NRXN3: variants seen among roughly 807,000 people sequenced by gnomAD.
NRXN3 encodes neurexin III.
In NRXN3, 32 loss-of-function variants were observed where a neutral mutation model predicts 137.6. The ratio of observed to expected loss-of-function variants is 0.23; its 90% confidence interval spans 0.18 to 0.31. The LOEUF is 0.31. Among genes scored for constraint, NRXN3 ranks in the 10% least tolerant of loss-of-function variants. The pLI, the probability that NRXN3 is intolerant of heterozygous loss-of-function variation, is 1.00. For synonymous variants in NRXN3, 798 were observed against 784.5 expected, an observed-to-expected ratio of 1.02 and a Z score of -0.29; for missense variants, 1,574 against 2,062.5, an observed-to-expected ratio of 0.76 and a Z score of 4.59.
chr14:78,515,843 C>T (rs1410443804), intron 4 of NRXN3, among the ~76,000 whole-genome samples: 1 of 152,084 alleles, frequency 6.6e-6, no homozygotes, highest in Middle Eastern at 3.2e-3. Context: ...TGGAAATCTC[C>T]TCATTTCTTT....
intron 10 of NRXN3, among the ~76,000 whole-genome samples, chr14:78,920,823 G>A (rs2099268996): frequency 6.6e-6 from 1 of 152,204 alleles, no homozygotes; most frequent in African/African-American, 2.4e-5. Context: ...TTGAAGAGAT[G>A]TATTGGACAA....
chr14:78,992,364 A>T (rs562079659), intron 15 of NRXN3, among the ~76,000 whole-genome samples: 65 of 152,214 alleles, frequency 4.3e-4, no homozygotes, highest in Non-Finnish European at 8.1e-4. Flanking sequence ...CTGAAAATCA[A>T]CTTAATGAAA....
chr14:78,459,292 C>G (rs2094847793), intron 4 of NRXN3, among the ~76,000 whole-genome samples: 1 of 152,126 alleles, frequency 6.6e-6, no homozygotes, highest in Admixed American at 6.5e-5. Flanking sequence ...CCTCAGGTAC[C>G]TTTCTTGAAA....
chr14:79,555,138 A>T (rs959934355), intron 16 of NRXN3, among the ~76,000 whole-genome samples: 1 of 152,166 alleles, frequency 6.6e-6, no homozygotes, highest in African/African-American at 2.4e-5. Context: ...CTTCGCCAAG[A>T]GGTGAGGTCT....
At chr14:79,296,666 A>C (rs185214346) in intron 15 of NRXN3, among the ~76,000 whole-genome samples, 2 of 152,292 alleles carry the variant, frequency 1.3e-5, no homozygotes, top group Non-Finnish European at 1.5e-5. Flanking sequence ...TTGCCCTGTA[A>C]TTCTTTTATC....
chr14:78,256,889 T>A (rs2069721642), intron 2 of NRXN3, among the ~76,000 whole-genome samples: 1 of 152,220 alleles, frequency 6.6e-6, no homozygotes, highest in Non-Finnish European at 1.5e-5. Flanking sequence ...CTTTAATTAG[T>A]TATAGTTACT....
At chr14:79,255,771 A>G (rs1184083625) in intron 15 of NRXN3, among the ~76,000 whole-genome samples, 1 of 152,218 alleles carries the variant, frequency 6.6e-6, no homozygotes, top group Non-Finnish European at 1.5e-5. Flanking sequence ...GGTAATTGTG[A>G]TCATTATCTA....
In NRXN3 at chr14:78,385,314, C is replaced by T. The variant is rs1412515919; in HGVS notation, c.757+87454C>T. Among the ~76,000 whole-genome samples, 22 of 151,700 alleles carry T rather than the reference C, an allele frequency of 1.5e-4. No individual in the cohort carries two copies. In the South Asian group the frequency reaches 4.4e-3, roughly 30 times the overall value. On this transcript the variant is annotated intron_variant, in intron 4 of 20. Coordinates refer to ENST00000335750, the MANE Select transcript of NRXN3 (RefSeq NM_001330195.2). ...CAACACACACACACACACACACACA[C>T]ACACACACACACACACACACGCATA...
intron 15 of NRXN3, among the ~76,000 whole-genome samples, chr14:79,264,520 T>A (rs1047453079): frequency 3.1e-5 from 4 of 127,736 alleles, no homozygotes; most frequent in African/African-American, 1.2e-4. Flanking sequence ...TGTGTTTACA[T>A]GATGTGTGTG....
At chr14:79,353,665 C>T (rs1440034827) in intron 15 of NRXN3, among the ~76,000 whole-genome samples, 1 of 152,132 alleles carries the variant, frequency 6.6e-6, no homozygotes, top group Non-Finnish European at 1.5e-5. Flanking sequence ...GATTCTTGGA[C>T]AACTACTATA....
chr14:78,665,552 G>A (rs1358102668), intron 6 of NRXN3, among the ~76,000 whole-genome samples: 3 of 152,160 alleles, frequency 2.0e-5, no homozygotes, highest in Non-Finnish European at 4.4e-5. Context: ...CTTGGGTGGG[G>A]ACACAGCCAA....
intron 8 of NRXN3, among the ~76,000 whole-genome samples, chr14:78,791,642 A>G (rs898452674): frequency 6.6e-6 from 1 of 152,186 alleles, no homozygotes; most frequent in African/African-American, 2.4e-5. Flanking sequence ...GAAACAGACA[A>G]CGGGACTGAG....
chr14:78,688,686 A>G (rs150627011), intron 6 of NRXN3, among the ~76,000 whole-genome samples: 228 of 152,212 alleles, frequency 1.5e-3, no homozygotes, highest in African/African-American at 5.3e-3. Context: ...GTCTTTTGAA[A>G]TATGCTGACC....
intron 6 of NRXN3, among the ~76,000 whole-genome samples, chr14:78,704,841 T>A (rs1010716503): frequency 6.6e-6 from 1 of 152,110 alleles, no homozygotes; most frequent in Non-Finnish European, 1.5e-5. Context: ...ACCTGGCACA[T>A]GGTAGGCTCT....
intron 15 of NRXN3, among the ~76,000 whole-genome samples, chr14:79,351,430 A>C (rs2093202151): frequency 6.6e-6 from 1 of 152,200 alleles, no homozygotes; most frequent in Admixed American, 6.5e-5. Flanking sequence ...TGATTCTTTC[A>C]CATTAAATGC....
intron 4 of NRXN3, among the ~76,000 whole-genome samples, chr14:78,551,915 A>G (rs939129215): frequency 2.0e-5 from 3 of 152,038 alleles, no homozygotes; most frequent in African/African-American, 7.3e-5. Context: ...TCTTCTCATT[A>G]TAGGACCAAA....
intron 6 of NRXN3, among the ~76,000 whole-genome samples, chr14:78,700,201 G>A (rs1052106786): frequency 6.6e-6 from 1 of 152,170 alleles, no homozygotes; most frequent in Non-Finnish European, 1.5e-5. Context: ...TGGTTATTTA[G>A]TACATTTACA....
intron 10 of NRXN3, among the ~76,000 whole-genome samples, chr14:78,892,832 C>A (rs1277653876): frequency 6.8e-6 from 1 of 147,552 alleles, no homozygotes; most frequent in Non-Finnish European, 1.5e-5. Context: ...AAGAAGGAGT[C>A]ACACGGCTGC....
chr14:79,407,287 T>G (rs538688432), intron 15 of NRXN3, among the ~76,000 whole-genome samples: 27 of 152,274 alleles, frequency 1.8e-4, no homozygotes, highest in African/African-American at 6.3e-4. Flanking sequence ...TAATAAATGC[T>G]CAGTATTTGA....
Sources: gnomAD v4.1 joint callset for allele counts (sites outside exome capture counted in the v4.1 genomes callset) on GRCh38, gnomAD v4.1.1 for gene constraint, MANE v1.5 for transcripts, NCBI Gene and HGNC (gene_info 2026-07-23, HGNC 2026-07-21) for gene names.